SHTN1: variants seen among roughly 807,000 people sequenced by gnomAD.
The protein encoded by SHTN1 is shootin 1, also known as shootin-1.
SHTN1 carries 42 observed loss-of-function variants against 83.1 expected under a neutral mutation model. The ratio of observed to expected loss-of-function variants is 0.51; its 90% CI spans 0.39 to 0.65. SHTN1 has a LOEUF of 0.65. Ranked by LOEUF, SHTN1 falls within the 30% of genes least tolerant of loss-of-function variation. The pLI is 0.00. For missense variants in SHTN1, 622 were observed against 737.8 expected (o/e 0.84, Z 1.82); for synonymous variants, 224 against 247.7 (o/e 0.90, Z 0.90).
chr10:116,984,107 T>C (rs1589868646), intron 1 of SHTN1, among the ~76,000 whole-genome samples: 3 of 152,246 alleles, frequency 2.0e-5, no homozygotes, highest in Admixed American at 2.0e-4. Context: ...TTGTCAGTTT[T>C]AGCGCTGAAA....
intron 1 of SHTN1, among the ~76,000 whole-genome samples, chr10:117,080,837 T>C (rs1853249765): frequency 7.1e-6 from 1 of 140,646 alleles, no homozygotes; most frequent in African/African-American, 2.7e-5. Flanking sequence ...TGGCTCTCTG[T>C]CTGTTGTTGG....
intron 8 of SHTN1, among the ~76,000 whole-genome samples, chr10:116,943,720 A>T (rs1849469643): frequency 6.6e-6 from 1 of 152,160 alleles, no homozygotes; most frequent in Admixed American, 6.5e-5. Flanking sequence ...CCATCATTGG[A>T]TTTTCAAATG....
intron 3 of SHTN1, among the ~76,000 whole-genome samples, chr10:116,964,612 C>G (rs1033149840): frequency 2.0e-5 from 3 of 152,188 alleles, no homozygotes; most frequent in African/African-American, 7.2e-5. Flanking sequence ...AAGGAAAGAG[C>G]CATGAAAGTT....
chr10:117,006,281 C>G (rs1852007702), upstream of SHTN1, among the ~76,000 whole-genome samples: 1 of 149,128 alleles, frequency 6.7e-6, no homozygotes, highest in South Asian at 2.1e-4. Context: ...GATTACAGGT[C>G]TGTGGCCGGG....
chr10:117,048,187 A>T (rs2133586082), intron 2 of SHTN1, among the ~76,000 whole-genome samples: 1 of 152,318 alleles, frequency 6.6e-6, no homozygotes, highest in South Asian at 2.1e-4. Flanking sequence ...AATTAACATT[A>T]TGAATAAGAT....
At chr10:117,033,412 G>C (rs1178358067) in intron 2 of SHTN1, among the ~76,000 whole-genome samples, 1 of 151,984 alleles carries the variant, frequency 6.6e-6, no homozygotes, top group Non-Finnish European at 1.5e-5. Context: ...CTACATGCCA[G>C]TAAATTGGAA....
intron 1 of SHTN1, among the ~76,000 whole-genome samples, chr10:117,000,915 GC>G (rs1441909361): frequency 6.6e-6 from 1 of 152,202 alleles, no homozygotes; most frequent in Non-Finnish European, 1.5e-5. Context: ...TCTCTCTGAT[GC>G]CTAGCACAGT....
upstream of SHTN1, among the ~76,000 whole-genome samples, chr10:117,006,236 TTTTG>T (rs1191673956): frequency 4.6e-5 from 1 of 21,946 alleles, no homozygotes; most frequent in African/African-American, 5.2e-5. Context: ...TGCAGTTTTT[TTTTG>T]TTTTTTTTTT....
At chr10:117,061,768 G>A (rs994467695) in intron 1 of SHTN1, among the ~76,000 whole-genome samples, 3 of 152,126 alleles carry the variant, frequency 2.0e-5, no homozygotes, top group Non-Finnish European at 2.9e-5. Context: ...ACCACACCTC[G>A]CCAGGTTTTC....
At chr10:117,042,090 G>A (rs1426832448) in intron 2 of SHTN1, among the ~76,000 whole-genome samples, 2 of 152,100 alleles carry the variant, frequency 1.3e-5, no homozygotes, top group Non-Finnish European at 2.9e-5. Flanking sequence ...AGAAAGAAAG[G>A]GAAAGCAAAA....
chr10:117,112,043 G>T (rs904980391), intron 1 of SHTN1, among the ~76,000 whole-genome samples: 1 of 152,056 alleles, frequency 6.6e-6, no homozygotes, highest in Non-Finnish European at 1.5e-5. Flanking sequence ...TCTGCTCACT[G>T]CAACCTCTGC....
intron 10 of SHTN1, among the ~76,000 whole-genome samples, chr10:116,929,475 GT>G (rs1461733536): frequency 6.6e-6 from 1 of 152,112 alleles, no homozygotes; most frequent in Non-Finnish European, 1.5e-5. Context: ...TTTTTAAAAA[GT>G]TTAATTCTTT....
At chr10:117,005,303 G>A, upstream of SHTN1, 8 of 1,417,836 alleles carry the variant, frequency 5.6e-6, no homozygotes, top group African/African-American at 1.4e-5. Context: ...GGCGGGGCGG[G>A]CCCAGCAGTC....
At chr10:117,123,146 G>C (rs982990961) in intron 1 of SHTN1, among the ~76,000 whole-genome samples, 12 of 152,104 alleles carry the variant, frequency 7.9e-5, no homozygotes. Flanking sequence ...GGGATTACAG[G>C]CATGTACCAC....
intron 1 of SHTN1, among the ~76,000 whole-genome samples, chr10:117,060,651 G>A (rs1026084203): frequency 2.6e-5 from 4 of 152,120 alleles, no homozygotes; most frequent in Admixed American, 2.6e-4. Flanking sequence ...CAAACCAGAA[G>A]TGTGTACAAT....
chr10:116,958,226 T>C (rs541180670), intron 4 of SHTN1, among the ~76,000 whole-genome samples: 1 of 152,244 alleles, frequency 6.6e-6, no homozygotes, highest in East Asian at 1.9e-4. Context: ...AAAATGACAA[T>C]TGATACTTAA....
At chr10:117,024,448 G>A (rs1162089423) in intron 2 of SHTN1, among the ~76,000 whole-genome samples, 2 of 144,758 alleles carry the variant, frequency 1.4e-5, no homozygotes, top group African/African-American at 2.6e-5. Context: ...TCCGCCTCCC[G>A]GGTTCACGCC....
chr10:116,957,617 G>C (rs1171926414), intron 4 of SHTN1, among the ~76,000 whole-genome samples: 1 of 152,082 alleles, frequency 6.6e-6, no homozygotes, highest in African/African-American at 2.4e-5. Flanking sequence ...TGTAAATAGG[G>C]TTTTTATATT....
At chr10:116,977,242 C>T (rs750870552) in intron 2 of SHTN1, among the ~76,000 whole-genome samples, 2 of 152,176 alleles carry the variant, frequency 1.3e-5, no homozygotes, top group African/African-American at 2.4e-5. Context: ...CTTCCTCTTA[C>T]ATTATTCATT....
Sources: allele counts gnomAD v4.1 joint callset (sites outside exome capture counted in the v4.1 genomes callset), GRCh38; gene constraint gnomAD v4.1.1; transcripts MANE v1.5; gene names NCBI Gene and HGNC (gene_info 2026-07-23, HGNC 2026-07-21).